The following DMD variants were observed in gnomAD, a reference collection of about 807,000 sequenced individuals.
DMD encodes dystrophin.
A neutral mutation model predicts 330.1 loss-of-function variants in DMD; 63 were observed. That is an observed-to-expected ratio of 0.19 (90% CI 0.16 to 0.24). The LOEUF is 0.24. DMD is among the 10% of genes least tolerant of loss of function. DMD has a pLI of 1.00. For synonymous variants in DMD, 1,223 were observed against 959.8 expected (o/e 1.27, Z -5.07); for missense variants, 3,344 against 2,684.1 (o/e 1.25, Z -5.43).
chrX:32,165,701 GC>G (rs2096865676), intron 44 of DMD, among the ~76,000 whole-genome samples: 1 of 111,564 alleles, frequency 9.0e-6, no homozygotes, highest in Admixed American at 9.5e-5. Flanking sequence ...GGGGCCAGGA[GC>G]AAAATGATAT....
intron 44 of DMD, among the ~76,000 whole-genome samples, chrX:31,977,857 A>G (rs1387013283): frequency 9.1e-6 from 1 of 110,485 alleles, no homozygotes; most frequent in Non-Finnish European, 1.9e-5. Context: ...GTACAATATC[A>G]ATGATCTGTA....
At chrX:31,224,038 A>G (rs1480819724) in intron 63 of DMD, among the ~76,000 whole-genome samples, 2 of 111,584 alleles carry the variant, frequency 1.8e-5, no homozygotes, top group Non-Finnish European at 3.8e-5. Context: ...TATTTAGATG[A>G]TGTTCTTACT....
chrX:33,300,268 C>A (rs957817785), intron 1 of DMD, among the ~76,000 whole-genome samples: 1 of 112,069 alleles, frequency 8.9e-6, no homozygotes, highest in Non-Finnish European at 1.9e-5. Flanking sequence ...ACAGCCACAC[C>A]CAGAATGCTT....
intron 7 of DMD, among the ~76,000 whole-genome samples, chrX:32,726,966 T>C (rs1569492142): frequency 9.1e-6 from 1 of 110,478 alleles, no homozygotes; most frequent in Non-Finnish European, 1.9e-5. Context: ...AGGCTGTGGG[T>C]ATTCATCTTG....
rs887706595 is a variant in DMD, at chrX:33,203,688, G to A, written c.31+7594C>T. On this transcript the variant is annotated intron_variant, in intron 1 of 78. Transcript: ENST00000357033. ...CTGATTTTTTTTTTTTAGTGCTTTT[G>A]TCTTCTTTATTGAATTTCCGATCTC... 9.5e-5 allele frequency among the ~76,000 whole-genome samples: 10 copies of A among 105,515 alleles called. No individual in the cohort carries two copies. The East Asian group carries it at 3.0e-3, about 32-fold the overall frequency. 91.6% of individuals were successfully genotyped at this position (105,515 alleles called of 115,157 possible).
chrX:31,262,266 T>A (rs978134812), intron 62 of DMD, among the ~76,000 whole-genome samples: 2 of 112,289 alleles, frequency 1.8e-5, no homozygotes, highest in Admixed American at 1.9e-4. Flanking sequence ...AAATCTGTTA[T>A]TAGTTGATTA....
intron 7 of DMD, among the ~76,000 whole-genome samples, chrX:32,794,409 G>A (rs764169365): frequency 7.6e-4 from 85 of 111,122 alleles, no homozygotes; most frequent in Admixed American, 1.1e-3. Context: ...CTAACACGGT[G>A]AAACCCCATC....
chrX:31,802,555 A>T (rs1198156204), intron 50 of DMD, among the ~76,000 whole-genome samples: 2 of 111,700 alleles, frequency 1.8e-5, no homozygotes, highest in Non-Finnish European at 3.8e-5. Context: ...CAAAAAAATC[A>T]ACTGAACTTA....
At chrX:31,688,003 A>C (rs112600508) in intron 52 of DMD, among the ~76,000 whole-genome samples, 5,909 of 110,912 alleles carry the variant, frequency 0.053, 406 homozygotes, top group African/African-American at 0.18. Flanking sequence ...CTCCTGTTTA[A>C]GGCCAATAAC....
At chrX:33,214,794 C>T (rs1362180257), upstream of DMD, among the ~76,000 whole-genome samples, 1 of 111,271 alleles carries the variant, frequency 9.0e-6, no homozygotes, top group Admixed American at 9.6e-5. Flanking sequence ...GCTGGGTCTA[C>T]AGGTGAATGC....
chrX:32,371,462 T>G (rs1298995282), intron 34 of DMD, among the ~76,000 whole-genome samples: 1 of 110,637 alleles, frequency 9.0e-6, no homozygotes, highest in Non-Finnish European at 1.9e-5. Flanking sequence ...ATTCTACCAT[T>G]TGAACTTTCA....
At chrX:31,940,725 G>C (rs2094986384) in intron 45 of DMD, among the ~76,000 whole-genome samples, 1 of 108,454 alleles carries the variant, frequency 9.2e-6, no homozygotes. Context: ...AGGTAATATA[G>C]AAATAAAGAA....
chrX:31,833,324 GGGAGAGAGGGAGAGAGT>G (rs2093108431), intron 49 of DMD, among the ~76,000 whole-genome samples: 1 of 72,186 alleles, frequency 1.4e-5, no homozygotes, highest in African/African-American at 5.6e-5. Context: ...GAGGGAGAGA[GGGAGAGAGGGAGAGAGT>G]GGAGAGGGAG....
intron 1 of DMD, among the ~76,000 whole-genome samples, chrX:33,066,445 T>C (rs1478478171): frequency 3.9e-5 from 1 of 25,674 alleles, no homozygotes; most frequent in Non-Finnish European, 5.6e-5. Flanking sequence ...TGAGACTCTG[T>C]CAAAAAAAAA....
intron 32 of DMD, among the ~76,000 whole-genome samples, 181 bp from the exon 33 acceptor site, chrX:32,386,646 C>T (rs761278431): frequency 9.1e-6 from 1 of 110,407 alleles, no homozygotes; most frequent in Non-Finnish European, 1.9e-5. Flanking sequence ...TTTAATATTT[C>T]TAATTGTCTA....
chrX:31,585,216 G>C (rs2076531801), intron 55 of DMD, among the ~76,000 whole-genome samples: 1 of 106,922 alleles, frequency 9.4e-6, no homozygotes, highest in African/African-American at 3.4e-5. Flanking sequence ...TCTGCTACTT[G>C]GGAGGCTGAG....
intron 33 of DMD, among the ~76,000 whole-genome samples, chrX:32,386,030 G>A (rs1174692672): frequency 1.8e-5 from 2 of 109,703 alleles, no homozygotes; most frequent in African/African-American, 3.3e-5. Flanking sequence ...CTCCCTGAGC[G>A]TTACGTATTT....
chrX:33,039,350 C>T (rs1011752227), intron 1 of DMD, among the ~76,000 whole-genome samples: 4 of 107,977 alleles, frequency 3.7e-5, no homozygotes, highest in Admixed American at 2.0e-4. Flanking sequence ...TACGCCCACC[C>T]CACCCCACCC....
intron 11 of DMD, among the ~76,000 whole-genome samples, chrX:32,630,972 GGGCTTTCCA>G (rs960358261): frequency 9.0e-6 from 1 of 111,189 alleles, no homozygotes; most frequent in Admixed American, 9.6e-5. Context: ...CTTCTCAGGA[GGGCTTTCCA>G]GGTATTTAAA....
Sources: gnomAD v4.1 joint callset for allele counts (sites outside exome capture counted in the v4.1 genomes callset) on GRCh38, gnomAD v4.1.1 for gene constraint, MANE v1.5 for transcripts, NCBI Gene and HGNC (gene_info 2026-07-23, HGNC 2026-07-21) for gene names.